The following ZWILCH variants were observed in gnomAD, a reference collection of about 807,000 sequenced individuals.
The protein encoded by ZWILCH is protein zwilch homolog.
In ZWILCH, 74 loss-of-function variants were observed where a neutral mutation model predicts 79.9. The ratio of observed to expected loss-of-function variants is 0.93; its 90% CI spans 0.77 to 1.12. ZWILCH has a LOEUF of 1.12. Among genes scored for constraint, ZWILCH ranks in the 50% most tolerant of loss-of-function variants. ZWILCH has a pLI of 0.00. For synonymous variants in ZWILCH, 241 were observed against 228.2 expected, an observed-to-expected ratio of 1.06 and a Z score of -0.51; for missense variants, 694 against 687.5, an observed-to-expected ratio of 1.01 and a Z score of -0.11.
At position 66,548,714 on chromosome 15, in the gene ZWILCH, T is replaced by A. The variant is rs1437535724; in HGVS notation, c.*390T>A. The A allele has an allele frequency of 2.0e-5, 10 of 490,748 alleles. No individual in the cohort carries two copies. The highest frequency in any genetic ancestry group is 3.7e-5 in the Non-Finnish European group (10 of 270,930). The allele number at this position is 490,748 out of a possible 1,614,324, so 30.4% of individuals were successfully genotyped here. ...TATTGGGAAAACTTAAAAAATAGCATCCTCAAATTTTCTGATTCTTATTTG... is the reference window on the plus strand; with the variant it reads ...TATTGGGAAAACTTAAAAAATAGCAACCTCAAATTTTCTGATTCTTATTTG... On this transcript the variant is annotated 3_prime_UTR_variant, in exon 19 of 19. Transcript: ENST00000307897.
At position 66,518,964 on chromosome 15, in the gene ZWILCH, C is replaced by T. The variant is rs761646838; in HGVS notation, c.406C>T (p.Leu136Phe). 51 of 1,614,106 alleles carry T rather than the reference C, an allele frequency of 3.2e-5. No homozygotes were observed. Among genetic ancestry groups the T allele is most frequent in the Non-Finnish European group, 6.8e-6 (8 of 1,180,036 alleles). ...TCTGCCAGTTACTGCCCTTCCTCCC[C>T]TTTGGGTAAGATGTGACAGTTCAGA... ...INLPVTALPP[L>F]WVRCDSSDPE... Residue 136 changes from leucine to phenylalanine, a missense_variant, in exon 5 of 19, where the codon CTT (leucine) becomes TTT (phenylalanine). Physicochemically the swap from Leu to Phe is conservative, Grantham distance 22 (BLOSUM62 0). Transcript: ENST00000307897.
Position 66,513,870 on chromosome 15 carries a change from C to T in ZWILCH, c.106-118C>T, listed in dbSNP as rs753887691. 693 of 711,830 alleles carry T rather than the reference C, an allele frequency of 9.7e-4. 2 individuals carry two copies. Among genetic ancestry groups the T allele is most frequent in the Non-Finnish European group, 1.3e-3 (615 of 461,068 alleles). 44.1% of individuals were successfully genotyped at this position (711,830 alleles called of 1,614,324 possible). ...ACAGGCGTGAGCCACCGTGCCCGGC[C>T]GAGACTCTGTCTCTTAAGGAAATTT... is the stretch of plus-strand genomic sequence containing the variant. On this transcript the variant is annotated intron_variant, in intron 2 of 18. Coordinates refer to ENST00000307897, the MANE Select transcript of ZWILCH (RefSeq NM_017975.5).
In ZWILCH at chr15:66,520,645, AC is replaced by A; in HGVS notation, c.577del (p.His193IlefsTer6). ...ACCTAAAAAATTTACACAAGAAAAG[AC>A]ATCACTTGTCTACTGTAAGTGTTTT... ...ENLKNLHKKR[H>X]HLSTVTSKGF... On this transcript the variant is annotated frameshift_variant, in exon 6 of 19. Coordinates refer to ENST00000307897, the MANE Select transcript of ZWILCH (RefSeq NM_017975.5). LOFTEE classifies it high-confidence loss of function. The A allele has an allele frequency of 6.4e-7, 1 of 1,555,576 alleles. No homozygotes were observed. Among genetic ancestry groups the A allele is most frequent in the Non-Finnish European group, 8.8e-7 (1 of 1,132,080 alleles).
At chr15:66,507,127 C>G (rs556278422) in intron 1 of ZWILCH, among the ~76,000 whole-genome samples, 8 of 152,316 alleles carry the variant, frequency 5.3e-5, no homozygotes, top group African/African-American at 1.9e-4. Context: ...TCCTAAAGTG[C>G]TGGGATTACA....
intron 7 of ZWILCH, among the ~76,000 whole-genome samples, chr15:66,521,569 C>G (rs1894494082): frequency 6.6e-6 from 1 of 152,186 alleles, no homozygotes; most frequent in Non-Finnish European, 1.5e-5. Flanking sequence ...GATCACTGCT[C>G]ACTGCAGCCT....
chr15:66,528,961 G>A lies in ZWILCH; in HGVS notation c.1075+4G>A, dbSNP rs1023726629. On this transcript the variant is annotated splice_donor_region_variant and intron_variant, in intron 11 of 18. Coordinates refer to ENST00000307897, the MANE Select transcript of ZWILCH (RefSeq NM_017975.5). The stretch of plus-strand genomic sequence containing the variant: ...CTGTGGTGCAAAATGAGCAGTAGTA[G>A]GTGTCCATCATGATTTAAATTTTTC... 2.5e-6 allele frequency: 4 copies of A among 1,608,910 alleles called. No homozygotes were observed.
chr15:66,505,686 A>G, intron 1 of ZWILCH: 3 of 434,040 alleles, frequency 6.9e-6, no homozygotes, highest in Non-Finnish European at 1.2e-5. Flanking sequence ...AAGTAGAGGC[A>G]CCACCCGGGA....
At chr15:66,534,788 G>A (rs1894959544) in intron 14 of ZWILCH, among the ~76,000 whole-genome samples, 1 of 152,034 alleles carries the variant, frequency 6.6e-6, no homozygotes, top group South Asian at 2.1e-4. Flanking sequence ...ATGTGAAGGT[G>A]TAGAACATTA....
chr15:66,512,697 T>G (rs1894113797), intron 2 of ZWILCH, among the ~76,000 whole-genome samples: 1 of 152,220 alleles, frequency 6.6e-6, no homozygotes, highest in African/African-American at 2.4e-5. Context: ...AACCTCCATC[T>G]TCTGGATTCA....
At position 66,505,494 on chromosome 15, in the gene ZWILCH, C is replaced by T. The variant is rs1340997138; in HGVS notation, c.53+103C>T. 3 of 1,416,356 alleles carry T rather than the reference C, an allele frequency of 2.1e-6. No individual in the cohort carries two copies. In the East Asian group the frequency reaches 6.9e-5, roughly 33 times the overall value. The allele number at this position is 1,416,356 out of a possible 1,614,324, so 87.7% of individuals were successfully genotyped here. ...CCTCTTGCCACTCTGGGGATCAGCGCTTTGCCAGCTTTCCTGGGGTCCAGG... is the reference window on the plus strand; with the variant it reads ...CCTCTTGCCACTCTGGGGATCAGCGTTTTGCCAGCTTTCCTGGGGTCCAGG... On this transcript the variant is annotated intron_variant, in intron 1 of 18. Transcript: ENST00000307897.
intron 8 of ZWILCH, among the ~76,000 whole-genome samples, chr15:66,524,778 CTGTT>C (rs1894615809): frequency 6.6e-6 from 1 of 152,294 alleles, no homozygotes; most frequent in East Asian, 1.9e-4. Flanking sequence ...TATTATTTCT[CTGTT>C]TGTATAAAAC....
At position 66,549,800 on chromosome 15, in the gene ZWILCH, T is replaced by C. The variant is rs1372589452; in HGVS notation, c.*1476T>C. 2.9e-6 allele frequency: 1 copy of C among 342,432 alleles called. No individual in the cohort carries two copies. Among genetic ancestry groups the C allele is most frequent in the Non-Finnish European group, 5.3e-6 (1 of 190,236 alleles). The allele number at this position is 342,432 out of a possible 1,614,324, so 21.2% of individuals were successfully genotyped here. On this transcript the variant is annotated 3_prime_UTR_variant, in exon 19 of 19. Transcript: ENST00000307897. The stretch of plus-strand genomic sequence containing the variant: ...TAGGTATATAAATTTATAGGTATGA[T>C]TCTGAAAGAATAAAACTTGAATGGA...
chr15:66,512,992 A>C (rs1355826656), intron 2 of ZWILCH, among the ~76,000 whole-genome samples: 1 of 151,886 alleles, frequency 6.6e-6, no homozygotes. Context: ...ATGTGGTTTC[A>C]CCAGTTTGAG....
intron 4 of ZWILCH, among the ~76,000 whole-genome samples, chr15:66,518,479 A>G (rs1157883979): frequency 1.3e-5 from 2 of 151,962 alleles, no homozygotes; most frequent in African/African-American, 4.8e-5. Flanking sequence ...ATGGGGTTTC[A>G]CCGTGTTAGC....
intron 7 of ZWILCH, among the ~76,000 whole-genome samples, chr15:66,521,664 T>A (rs1323692427): frequency 6.6e-6 from 1 of 152,020 alleles, no homozygotes; most frequent in Admixed American, 6.6e-5. Flanking sequence ...CCTAATTTTT[T>A]AACTTTTTTT....
At chr15:66,511,317 CTCTACAAAAAGCAAAAAAAAA>C (rs1430295116) in intron 2 of ZWILCH, among the ~76,000 whole-genome samples, 1 of 151,710 alleles carries the variant, frequency 6.6e-6, no homozygotes, top group Non-Finnish European at 1.5e-5. Flanking sequence ...GAGACCTTGT[CTCTACAAAAAGCAAAAAAAAA>C]TTAGCTGGGT....
chr15:66,532,918 A>T (rs1206591085), intron 13 of ZWILCH, 67 bp from the exon 14 acceptor site: 1 of 1,028,728 alleles, frequency 9.7e-7, no homozygotes, highest in Non-Finnish European at 1.3e-6. Context: ...AATTTAAATT[A>T]ATTTCTATTA....
At chr15:66,541,195 G>A (rs1216915184) in intron 17 of ZWILCH, among the ~76,000 whole-genome samples, 3 of 151,912 alleles carry the variant, frequency 2.0e-5, no homozygotes, top group African/African-American at 7.3e-5. Context: ...GGCTGAGGCG[G>A]GAGAATCACT....
rs369385904 is a variant in ZWILCH, at chr15:66,546,690, T to A, written c.*11T>A. 3.1e-6 allele frequency: 5 copies of A among 1,588,158 alleles called. No individual in the cohort carries two copies. The African/African-American group carries it at 6.7e-5, about 21-fold the overall frequency. On this transcript the variant is annotated 3_prime_UTR_variant, in exon 18 of 19. Coordinates refer to ENST00000307897, the MANE Select transcript of ZWILCH (RefSeq NM_017975.5). ...GTGCATTTCAAGTGAAGTGTGCTGA[T>A]GAAGTCCTCTATAAGGTATTTATGT... is the stretch of plus-strand genomic sequence containing the variant.
Sources: allele counts gnomAD v4.1 joint callset (sites outside exome capture counted in the v4.1 genomes callset), GRCh38; gene constraint gnomAD v4.1.1; transcripts MANE v1.5; gene names NCBI Gene and HGNC (gene_info 2026-07-23, HGNC 2026-07-21).